Variants in IL1RAPL2 observed in about 807,000 individuals in gnomAD.
IL1RAPL2 encodes the protein interleukin 1 receptor accessory protein like 2.
A neutral mutation model predicts 44.1 loss-of-function variants in IL1RAPL2; 3 were observed. That is an observed-to-expected ratio of 0.07 (90% CI 0.03 to 0.18). IL1RAPL2 has a LOEUF of 0.18. IL1RAPL2 is among the 10% of genes least tolerant of loss of function. The pLI is 1.00. For missense variants in IL1RAPL2, 391 were observed against 496.4 expected, an observed-to-expected ratio of 0.79 and a Z score of 2.02; for synonymous variants, 181 against 178.8, an observed-to-expected ratio of 1.01 and a Z score of -0.10.
chrX:104,999,662 G>A (rs1479472940), intron 2 of IL1RAPL2, among the ~76,000 whole-genome samples: 1 of 111,488 alleles, frequency 9.0e-6, no homozygotes, highest in Non-Finnish European at 1.9e-5. Flanking sequence ...GTATGCGTGG[G>A]TGTTACAACA....
chrX:105,176,959 C>T (rs1450141164), intron 2 of IL1RAPL2, among the ~76,000 whole-genome samples: 1 of 111,360 alleles, frequency 9.0e-6, no homozygotes, highest in African/African-American at 3.3e-5. Flanking sequence ...CCTATTTGAA[C>T]AGATACATGA....
chrX:105,426,660 T>C (rs1308355298), intron 5 of IL1RAPL2, among the ~76,000 whole-genome samples: 1 of 111,859 alleles, frequency 8.9e-6, no homozygotes, highest in Non-Finnish European at 1.9e-5. Flanking sequence ...TGTTTTTTTT[T>C]TCTTAACTCT....
intron 6 of IL1RAPL2, among the ~76,000 whole-genome samples, chrX:105,705,788 C>T (rs747925654): frequency 2.2e-4 from 25 of 111,493 alleles, no homozygotes; most frequent in Non-Finnish European, 4.3e-4. Flanking sequence ...ACATATTTAA[C>T]GTATCCCCAA....
intron 3 of IL1RAPL2, among the ~76,000 whole-genome samples, chrX:105,199,313 ATT>A (rs57910427): frequency 2.1e-5 from 2 of 94,585 alleles, no homozygotes; most frequent in Non-Finnish European, 2.1e-5. Context: ...TGGTGGTTGT[ATT>A]TTTTTTTTTT....
intron 2 of IL1RAPL2, among the ~76,000 whole-genome samples, chrX:104,949,175 A>G (rs1420525325): frequency 3.7e-5 from 4 of 108,624 alleles, no homozygotes; most frequent in Admixed American, 2.9e-4. Flanking sequence ...GAATTTATCC[A>G]TTTCTTCTAG....
intron 1 of IL1RAPL2, among the ~76,000 whole-genome samples, chrX:104,575,297 ATTTGATATGTAAAGG>A (rs1928224087): frequency 9.0e-6 from 1 of 111,606 alleles, no homozygotes; most frequent in Non-Finnish European, 1.9e-5. Flanking sequence ...CAATTGTAAT[ATTTGATATGTAAAGG>A]TTTATATTAG....
At chrX:104,647,655 C>T (rs1482770396) in intron 1 of IL1RAPL2, 1 of 546,258 alleles carries the variant, frequency 1.8e-6, no homozygotes, top group South Asian at 2.3e-5. Context: ...AGCACACGCT[C>T]ATCATAGTCC....
intron 5 of IL1RAPL2, among the ~76,000 whole-genome samples, chrX:105,321,651 A>G (rs965135430): frequency 8.9e-6 from 1 of 112,053 alleles, no homozygotes; most frequent in Admixed American, 9.5e-5. Context: ...TACTTGTCGG[A>G]TGAATTTATG....
intron 2 of IL1RAPL2, among the ~76,000 whole-genome samples, chrX:105,043,784 C>G (rs2031797284): frequency 9.0e-6 from 1 of 110,600 alleles, no homozygotes. Flanking sequence ...ATAAACTGAC[C>G]AATGAATATT....
At chrX:105,754,197 CAT>C (rs1333344899) in intron 9 of IL1RAPL2, among the ~76,000 whole-genome samples, 1 of 112,459 alleles carries the variant, frequency 8.9e-6, no homozygotes, top group Middle Eastern at 4.6e-3. Context: ...GAATAGTTCA[CAT>C]GAGTCTGTGC....
At chrX:105,067,824 C>A (rs762869713) in intron 2 of IL1RAPL2, among the ~76,000 whole-genome samples, 1 of 104,781 alleles carries the variant, frequency 9.5e-6, no homozygotes, top group East Asian at 2.8e-4. Flanking sequence ...CACACATACA[C>A]GCATGCACAT....
intron 6 of IL1RAPL2, among the ~76,000 whole-genome samples, chrX:105,585,030 A>G (rs2147815966): frequency 9.0e-6 from 1 of 111,028 alleles, no homozygotes; most frequent in South Asian, 3.8e-4. Context: ...CTCATCCTAA[A>G]TAATACAATT....
chrX:104,631,395 A>G (rs1929645145), intron 1 of IL1RAPL2, among the ~76,000 whole-genome samples: 2 of 111,879 alleles, frequency 1.8e-5, no homozygotes, highest in African/African-American at 3.2e-5. Context: ...CTAGTTCTAG[A>G]TACCTGAGGA....
chrX:104,661,002 C>T (rs1242406556), intron 2 of IL1RAPL2, among the ~76,000 whole-genome samples: 4 of 110,547 alleles, frequency 3.6e-5, no homozygotes, highest in Admixed American at 9.7e-5. Context: ...CATTAATGCA[C>T]AGATGTCATT....
At chrX:105,670,117 A>ATATATATATATATATG (rs1824309502) in intron 6 of IL1RAPL2, among the ~76,000 whole-genome samples, 1 of 37,427 alleles carries the variant, frequency 2.7e-5, no homozygotes, top group Non-Finnish European at 5.0e-5. Flanking sequence ...ATATATATAT[A>ATATATATATATATATG]TATATATATA....
intron 2 of IL1RAPL2, among the ~76,000 whole-genome samples, chrX:104,725,569 T>C (rs2147567116): frequency 8.9e-6 from 1 of 111,989 alleles, no homozygotes; most frequent in Admixed American, 9.5e-5. Flanking sequence ...TTTTAAAGAT[T>C]GCCATTCTAA....
chrX:104,585,952 G>A (rs183056967), intron 1 of IL1RAPL2, among the ~76,000 whole-genome samples: 17 of 111,147 alleles, frequency 1.5e-4, no homozygotes, highest in African/African-American at 5.2e-4. Flanking sequence ...TCCTTTGAGT[G>A]TGTACGCAGT....
chrX:105,455,432 TC>T (rs1219567980), intron 5 of IL1RAPL2, among the ~76,000 whole-genome samples: 5 of 112,204 alleles, frequency 4.5e-5, no homozygotes, highest in African/African-American at 1.6e-4. Context: ...TAGGTTGTCT[TC>T]CAGGGTTTTT....
At chrX:104,974,633 C>T (rs2030297835) in intron 2 of IL1RAPL2, among the ~76,000 whole-genome samples, 1 of 112,186 alleles carries the variant, frequency 8.9e-6, no homozygotes, top group Admixed American at 9.4e-5. Flanking sequence ...GCTGGGGGAA[C>T]TGCAGTGCTC....
Sources: gnomAD v4.1 joint callset for allele counts (sites outside exome capture counted in the v4.1 genomes callset) on GRCh38, gnomAD v4.1.1 for gene constraint, MANE v1.5 for transcripts, NCBI Gene and HGNC (gene_info 2026-07-23, HGNC 2026-07-21) for gene names.